Variants in SGSH observed in about 807,000 individuals in gnomAD.
SGSH encodes heparan sulfate sulfatase.
SGSH carries 48 observed loss-of-function variants against 51.0 expected under a neutral mutation model. That is an observed-to-expected ratio of 0.94 (90% CI 0.75 to 1.20). SGSH has a LOEUF of 1.20. SGSH is among the 50% of genes most tolerant of loss of function. The probability of loss-of-function intolerance (pLI) is 0.00; values close to 1 mark genes in which losing one functional copy is unlikely to be tolerated. For missense variants in SGSH, 662 were observed against 717.8 expected (o/e 0.92, Z 0.89); for synonymous variants, 321 against 313.4 (o/e 1.02, Z -0.26).
chr17:80,214,830 T>A, intron 3 of SGSH, 65 bp from the exon 4 acceptor site: 1 of 1,575,760 alleles, frequency 6.3e-7, no homozygotes, highest in East Asian at 2.2e-5. Flanking sequence ...CTCCCTTCTC[T>A]GCCCCTCTCG....
chr17:80,217,003 A>G, intron 2 of SGSH, 29 bp downstream of exon 2: 1 of 1,526,848 alleles, frequency 6.5e-7, no homozygotes, highest in Non-Finnish European at 8.8e-7. Flanking sequence ...CTCCCTGCCC[A>G]CCCCCTCCTC....
chr17:80,204,476 G>T, downstream of SGSH: 1 of 849,018 alleles, frequency 1.2e-6, no homozygotes, highest in South Asian at 2.0e-5. Context: ...AAGAATCATG[G>T]GGCTGGGTGT....
At chr17:80,218,701 C>T (rs1265682154) in intron 1 of SGSH, among the ~76,000 whole-genome samples, 1 of 152,206 alleles carries the variant, frequency 6.6e-6, no homozygotes, top group East Asian at 1.9e-4. Flanking sequence ...CAGAGTGTCT[C>T]GGCACTTGGC....
rs767224326 is a variant in SGSH at position 80,214,642 on chromosome 17, C to T, written c.479G>A (p.Arg160Gln). 44 of 1,613,268 alleles carry T rather than the reference C, an allele frequency of 2.7e-5. No homozygotes were observed. The highest frequency in any genetic ancestry group is 8.0e-5 in the African/African-American group (6 of 74,928). ...RNITRIKLLV[R>Q]KFLQTQDDRP... Reference sequence around the variant, plus strand: ...GTCATCCTGAGTCTGCAGGAATTTCCGGACGAGCAGCTTAATTCTAGTGAT... The same window carrying T: ...GTCATCCTGAGTCTGCAGGAATTTCTGGACGAGCAGCTTAATTCTAGTGAT... Residue 160 changes from arginine (R) to glutamine (Q), a missense_variant, in exon 4 of 8, where the codon CGG (arginine) becomes CAG (glutamine). Physicochemically the swap from Arg to Gln is conservative, Grantham distance 43. Transcript: ENST00000326317.
chr17:80,212,388 G>A lies in SGSH; in HGVS notation c.746-114C>T, dbSNP rs765280701. 60 of 900,194 alleles carry A rather than the reference G, an allele frequency of 6.7e-5. No homozygotes were observed. Among genetic ancestry groups the A allele is most frequent in the South Asian group, 8.5e-5 (6 of 70,600 alleles). The allele number at this position is 900,194 out of a possible 1,614,324, so 55.8% of individuals were successfully genotyped here. A position where few individuals can be genotyped will look rare whatever the true frequency, so the allele number is the denominator to read the frequency against. On this transcript the variant is annotated intron_variant, in intron 6 of 7. Coordinates refer to ENST00000326317, the MANE Select transcript of SGSH (RefSeq NM_000199.5). The surrounding 1 kb of genome is among the most constrained non-coding windows in gnomAD (Gnocchi z 5.9). ...CGGCCGCTGGGCTCCAGCGCTTTCC[G>A]GATTCGAAAGCACCCTGTAGTTCTT...
Position 80,212,017 on chromosome 17 carries a change from C to T in SGSH, c.949+54G>A. On this transcript the variant is annotated intron_variant, in intron 7 of 7. Coordinates refer to ENST00000326317, the MANE Select transcript of SGSH (RefSeq NM_000199.5). This position sits in a 1 kb window ranked among gnomAD's most constrained non-coding sequence, Gnocchi z 5.9. ...GGAGCAGCATCTGACAGGTCATGGCCCCGTCCCAGATCCACTCCCACACCT... is the reference window on the plus strand; with the variant it reads ...GGAGCAGCATCTGACAGGTCATGGCTCCGTCCCAGATCCACTCCCACACCT... 3.4e-6 allele frequency: 5 copies of T among 1,474,642 alleles called. No individual in the cohort carries two copies. The highest frequency in any genetic ancestry group is 4.7e-6 in the Non-Finnish European group (5 of 1,055,784). The allele number at this position is 1,474,642 out of a possible 1,614,324, so 91.3% of individuals were successfully genotyped here. A position where few individuals can be genotyped will look rare whatever the true frequency, so the allele number is the denominator to read the frequency against.
In SGSH at chr17:80,210,480, T is replaced by C. The variant is rs562445330; in HGVS notation, c.1481A>G (p.Gln494Arg). ...CAGCTCATTGTGGAGGGGCTGGCAC[T>C]GGGGAGAGAGCTTCTCCTCCAGGAC... ...DGVLEEKLSP[Q>R]CQPLHNEL Residue 494 changes from glutamine (Q) to arginine (R), a missense_variant, in exon 8 of 8, where the codon CAG becomes CGG. Gln to Arg is a conservative substitution (Grantham distance 43). Transcript: ENST00000326317. 7.5e-6 allele frequency: 12 copies of C among 1,601,240 alleles called. No individual in the cohort carries two copies. The African/African-American group carries it at 1.2e-4, about 16-fold the overall frequency.
In SGSH at chr17:80,214,085, T is replaced by C. The variant is rs74841027; in HGVS notation, c.663+87A>G. 28,827 of 1,502,974 alleles carry C rather than the reference T, an allele frequency of 0.019. 315 individuals carry two copies. The highest frequency in any genetic ancestry group is 0.035 in the Middle Eastern group (209 of 5,914). 93.1% of individuals were successfully genotyped at this position (1,502,974 alleles called of 1,614,324 possible). On this transcript the variant is annotated intron_variant, in intron 5 of 7. Coordinates refer to ENST00000326317, the MANE Select transcript of SGSH (RefSeq NM_000199.5). Reference sequence around the variant, plus strand: ...GGTCAGAGCCTCTTTCTTCATCATCTAGGGCCAGGGCTGCAAGCTCGTAGG... The same window carrying C: ...GGTCAGAGCCTCTTTCTTCATCATCCAGGGCCAGGGCTGCAAGCTCGTAGG...
downstream of SGSH, chr17:80,204,664 A>G (rs1199323319): frequency 1.0e-5 from 4 of 381,970 alleles, no homozygotes; most frequent in Admixed American, 4.1e-5. Flanking sequence ...TACAGGACAG[A>G]GGGAGGGCTA....
Position 80,209,681 on chromosome 17 carries a change from C to G in SGSH, c.*771G>C, listed in dbSNP as rs765797570. On this transcript the variant is annotated 3_prime_UTR_variant, in exon 8 of 8. Transcript: ENST00000326317. ...CCAAGCCAGAGGACGGGCATCACCA[C>G]CCAGCAATGCCAGTGTCACCGAAGA... 1.4e-5 allele frequency: 14 copies of G among 984,630 alleles called. No individual in the cohort carries two copies. Among genetic ancestry groups the G allele is most frequent in the Non-Finnish European group, 1.7e-5 (14 of 829,692 alleles). 61.0% of individuals were successfully genotyped at this position (984,630 alleles called of 1,614,324 possible). A position where few individuals can be genotyped will look rare whatever the true frequency, so the allele number is the denominator to read the frequency against.
At position 80,215,085 on chromosome 17, in the gene SGSH, G is replaced by A. The variant is rs150482611; in HGVS notation, c.303C>T (p.Phe101=). The change falls in exon 3 of 8, where the codon TTC becomes TTT. Residue 101 remains phenylalanine, a synonymous_variant. Coordinates refer to ENST00000326317, the MANE Select transcript of SGSH (RefSeq NM_000199.5). ...LHQDVHHFNS[F]DKVRSLPLLL... Reference sequence around the variant, plus strand: ...GCAGCGGCAGGCTCCGCACCTTGTCGAAGGAGTTGAAGTGGTGCACGTCCT... The same window carrying A: ...GCAGCGGCAGGCTCCGCACCTTGTCAAAGGAGTTGAAGTGGTGCACGTCCT... 286 of 1,612,318 alleles carry A rather than the reference G, an allele frequency of 1.8e-4. No homozygotes were observed. The African/African-American group carries it at 3.2e-3, about 18-fold the overall frequency.
intron 2 of SGSH, among the ~76,000 whole-genome samples, chr17:80,215,819 C>T (rs1567926140): frequency 6.6e-6 from 1 of 151,920 alleles, no homozygotes; most frequent in Non-Finnish European, 1.5e-5. Context: ...ACTAAAAGAA[C>T]AAGTGTCCTT....
chr17:80,214,452 C>T (rs2041808369), intron 4 of SGSH, 124 bp from the exon 5 acceptor site: 4 of 1,330,566 alleles, frequency 3.0e-6, no homozygotes, highest in Admixed American at 2.1e-5. Context: ...GCCTCAGTTT[C>T]CCCACGTCCC....
intron 5 of SGSH, 105 bp downstream of exon 5, chr17:80,214,067 G>A (rs767054077): frequency 5.5e-6 from 8 of 1,452,166 alleles, no homozygotes; most frequent in Non-Finnish European, 7.5e-6. Flanking sequence ...TTTGGTCAGA[G>A]CCTCTTTCTT....
chr17:80,203,543 G>A (rs942768459), downstream of SGSH: 12 of 405,344 alleles, frequency 3.0e-5, no homozygotes, highest in African/African-American at 8.3e-5. The surrounding 1 kb of genome is among the most constrained non-coding windows in gnomAD (Gnocchi z 4.6). Flanking sequence ...GGCCCTGTAC[G>A]CTGGCTGCTC....
chr17:80,202,677 AC>A, downstream of SGSH: 3 of 1,221,788 alleles, frequency 2.5e-6, no homozygotes, highest in Non-Finnish European at 2.1e-6. Flanking sequence ...TAGCTTTGGT[AC>A]CATGGACGTT....
intron 4 of SGSH, 36 bp from the exon 5 acceptor site, chr17:80,214,364 GC>G: frequency 1.2e-6 from 2 of 1,601,866 alleles, no homozygotes; most frequent in Non-Finnish European, 1.7e-6. Flanking sequence ...AGGCTGCGGG[GC>G]CACTGCCACG....
chr17:80,208,657 C>T (rs367751846), downstream of SGSH: 8 of 290,080 alleles, frequency 2.8e-5, no homozygotes, highest in Middle Eastern at 9.6e-4. Context: ...TCCCTAGAAC[C>T]GGAGGCCCCG....
chr17:80,214,020 T>C (rs765527249), intron 5 of SGSH, 135 bp from the exon 6 acceptor site: 2 of 1,316,032 alleles, frequency 1.5e-6, no homozygotes, highest in Admixed American at 3.9e-5. Flanking sequence ...TCTCTACGGT[T>C]CTCTCTGTGG....
Sources: gnomAD v4.1 joint callset for allele counts (sites outside exome capture counted in the v4.1 genomes callset) on GRCh38, gnomAD v4.1.1 for gene constraint, Gnocchi (gnomAD v3.1) non-coding constraint, MANE v1.5 for transcripts, NCBI Gene and HGNC (gene_info 2026-07-23, HGNC 2026-07-21) for gene names.